The following TXNRD2 variants were observed in gnomAD, a reference collection of about 807,000 sequenced individuals.
TXNRD2 encodes thioredoxin reductase 2, mitochondrial.
A neutral mutation model predicts 70.8 loss-of-function variants in TXNRD2; 67 were observed. The observed-to-expected ratio is 0.95, with a 90% CI of 0.78 to 1.16. The LOEUF is 1.16. Ranked by LOEUF, TXNRD2 falls within the 50% of genes most tolerant of loss-of-function variation. TXNRD2 has a pLI of 0.00. For missense variants in TXNRD2, 644 were observed against 719.9 expected, an observed-to-expected ratio of 0.89 and a Z score of 1.21; for synonymous variants, 301 against 295.8, an observed-to-expected ratio of 1.02 and a Z score of -0.18.
At chr22:19,916,642 C>T (rs891697167) in intron 5 of TXNRD2, among the ~76,000 whole-genome samples, 1 of 129,252 alleles carries the variant, frequency 7.7e-6, no homozygotes, top group Non-Finnish European at 1.6e-5. Context: ...GCGCCCCACC[C>T]TTTTTTTTTT....
At chr22:19,930,367 G>C (rs1941311738) in intron 2 of TXNRD2, among the ~76,000 whole-genome samples, 1 of 152,112 alleles carries the variant, frequency 6.6e-6, no homozygotes, top group Non-Finnish European at 1.5e-5. Context: ...GACATGGCCA[G>C]AGCAGACCAG....
At chr22:19,896,578 C>G (rs1939516660) in intron 10 of TXNRD2, among the ~76,000 whole-genome samples, 1 of 152,208 alleles carries the variant, frequency 6.6e-6, no homozygotes, top group Non-Finnish European at 1.5e-5. Flanking sequence ...GGCTCAGGTC[C>G]AGATCAGGGA....
chr22:19,932,626 T>A (rs1269055831), intron 1 of TXNRD2: 2 of 1,397,106 alleles, frequency 1.4e-6, no homozygotes, highest in Non-Finnish European at 1.9e-6. Flanking sequence ...ATCAGTCTGC[T>A]GGGGTGAGGG....
At chr22:19,915,608 C>T (rs1039555955) in intron 6 of TXNRD2, among the ~76,000 whole-genome samples, 157 bp downstream of exon 6, 1 of 152,196 alleles carries the variant, frequency 6.6e-6, no homozygotes, top group Non-Finnish European at 1.5e-5. Context: ...TATTTGATCA[C>T]GTTAAAGACA....
At chr22:19,938,792 G>A (rs973512657) in intron 1 of TXNRD2, among the ~76,000 whole-genome samples, 1 of 152,030 alleles carries the variant, frequency 6.6e-6, no homozygotes, top group African/African-American at 2.4e-5. Flanking sequence ...TTCCAGACTC[G>A]GTCTCGGTCC....
At chr22:19,921,433 A>AGCCAGTGT (rs1940912530) in intron 2 of TXNRD2, among the ~76,000 whole-genome samples, 1 of 150,622 alleles carries the variant, frequency 6.6e-6, no homozygotes, top group African/African-American at 2.5e-5. Flanking sequence ...AAAAAAAAAA[A>AGCCAGTGT]GCCAGTGTGC....
chr22:19,880,239 A>T lies in TXNRD2; in HGVS notation c.1215T>A (p.Tyr405Ter). The change falls in exon 14 of 18, where the codon TAT becomes TAA. Residue 405 changes from tyrosine to a stop codon, truncating the protein, a stop_gained. Coordinates refer to ENST00000400521, the MANE Select transcript of TXNRD2 (RefSeq NM_006440.5). LOFTEE classifies it high-confidence loss of function. ...CCTCCTCGGACAGCCCCACACAGCC[A>T]TACTCCAGCGGGGTGAAGACGGTCG... ...VPTTVFTPLEYGCVGLSEEEA... is the reference protein window; with the variant it reads ...VPTTVFTPLE 6.2e-7 allele frequency: 1 copy of T among 1,613,792 alleles called. No homozygotes were observed. Among genetic ancestry groups the T allele is most frequent in the Non-Finnish European group, 8.5e-7 (1 of 1,180,020 alleles).
At position 19,915,679 on chromosome 22, in the gene TXNRD2, G is replaced by A. The variant is rs1159373802; in HGVS notation, c.528+86C>T. ...CCAGCAGCACGTGTTACTAAGAACA[G>A]CACCCAGGCCAAACACAGCTGCAGT... On this transcript the variant is annotated intron_variant, in intron 6 of 17. Transcript: ENST00000400521. 4.0e-6 allele frequency: 5 copies of A among 1,253,046 alleles called. No individual in the cohort carries two copies. The African/African-American group carries it at 5.9e-5, about 15-fold the overall frequency. The allele number at this position is 1,253,046 out of a possible 1,614,324, so 77.6% of individuals were successfully genotyped here.
At chr22:19,878,945 C>T (rs994144659) in intron 14 of TXNRD2, among the ~76,000 whole-genome samples, 21 of 152,304 alleles carry the variant, frequency 1.4e-4, no homozygotes, top group East Asian at 5.8e-4. Flanking sequence ...ACAGCGTGTC[C>T]GGGGCTGCGG....
At chr22:19,887,105 A>G (rs907780100) in intron 11 of TXNRD2, among the ~76,000 whole-genome samples, 1 of 152,206 alleles carries the variant, frequency 6.6e-6, no homozygotes, top group Admixed American at 6.5e-5. Flanking sequence ...TATGAACTGT[A>G]TTTCCTCTTT....
chr22:19,898,248 G>T, intron 9 of TXNRD2, 118 bp from the exon 10 acceptor site: 1 of 957,256 alleles, frequency 1.0e-6, no homozygotes, highest in Non-Finnish European at 1.6e-6. Flanking sequence ...CCTGGAGGAG[G>T]CTCCCAACTC....
intron 8 of TXNRD2, among the ~76,000 whole-genome samples, chr22:19,902,245 T>C (rs904565264): frequency 3.3e-5 from 5 of 152,210 alleles, no homozygotes; most frequent in African/African-American, 1.2e-4. Flanking sequence ...AGCTCAGCTC[T>C]CTGTGCTTTT....
intron 8 of TXNRD2, among the ~76,000 whole-genome samples, chr22:19,900,885 C>G (rs1275628353): frequency 6.6e-6 from 1 of 152,274 alleles, no homozygotes. Flanking sequence ...CCCCCTGCTC[C>G]CAGAGGTGGC....
At chr22:19,931,241 A>C (rs916896188) in intron 1 of TXNRD2, 143 bp from the exon 2 acceptor site, 2 of 775,604 alleles carry the variant, frequency 2.6e-6, no homozygotes, top group African/African-American at 3.4e-5. Context: ...GAGTGACTCG[A>C]TACACATAGT....
At chr22:19,875,969 C>T (rs1343950546) in intron 17 of TXNRD2, 162 bp from the exon 18 acceptor site, 2 of 152,270 alleles carry the variant, frequency 1.3e-5, no homozygotes, top group Admixed American at 6.5e-5. Flanking sequence ...CAGGGAGCGA[C>T]GCGGTGCTAC....
At chr22:19,898,013 GC>G in intron 10 of TXNRD2, 25 bp downstream of exon 10, 1 of 1,543,192 alleles carries the variant, frequency 6.5e-7, no homozygotes, top group Non-Finnish European at 8.7e-7. Flanking sequence ...AGCCACAGGG[GC>G]GGGAGCTGGG....
chr22:19,906,419 G>A (rs896500427), intron 8 of TXNRD2, among the ~76,000 whole-genome samples: 1 of 152,146 alleles, frequency 6.6e-6, no homozygotes, highest in Non-Finnish European at 1.5e-5. Flanking sequence ...GAGCCCAGGA[G>A]TTCAAGACTA....
chr22:19,883,066 G>A (rs758280792), intron 12 of TXNRD2, among the ~76,000 whole-genome samples: 15 of 152,258 alleles, frequency 9.9e-5, no homozygotes, highest in South Asian at 2.1e-4. Context: ...CCCAGCAGGC[G>A]TCTGCTGCTG....
intron 11 of TXNRD2, among the ~76,000 whole-genome samples, chr22:19,893,523 G>C (rs773851676): frequency 1.3e-5 from 2 of 152,234 alleles, no homozygotes; most frequent in African/African-American, 4.8e-5. Flanking sequence ...GCCTGGGACA[G>C]AGCAGTGTCT....
Sources: allele counts gnomAD v4.1 joint callset (sites outside exome capture counted in the v4.1 genomes callset), GRCh38; gene constraint gnomAD v4.1.1; transcripts MANE v1.5; gene names NCBI Gene and HGNC (gene_info 2026-07-23, HGNC 2026-07-21).